DEPDC1B: variants seen among roughly 807,000 people sequenced by gnomAD.
DEPDC1B encodes the protein DEP domain-containing protein 1B.
A neutral mutation model predicts 66.5 loss-of-function variants in DEPDC1B; 51 were observed. The ratio of observed to expected loss-of-function variants is 0.77; its 90% confidence interval spans 0.61 to 0.97. The LOEUF (loss-of-function observed/expected upper bound fraction) is 0.97, where lower values mean the gene tolerates loss of function less well. DEPDC1B is among the 50% of genes least tolerant of loss of function. DEPDC1B has a pLI of 0.00. For synonymous variants in DEPDC1B, 226 were observed against 223.6 expected, an observed-to-expected ratio of 1.01 and a Z score of -0.10; for missense variants, 552 against 637.1, an observed-to-expected ratio of 0.87 and a Z score of 1.44.
chr5:60,699,900 G>T (rs940938092), intron 1 of DEPDC1B, 146 bp downstream of exon 1: 3 of 966,716 alleles, frequency 3.1e-6, no homozygotes, highest in South Asian at 1.6e-5. Context: ...TCCACTAAAA[G>T]GCAGCCCCAG....
intron 7 of DEPDC1B, among the ~76,000 whole-genome samples, chr5:60,606,510 C>T (rs535576850): frequency 6.7e-5 from 10 of 150,084 alleles, no homozygotes; most frequent in African/African-American, 1.7e-4. Context: ...CAGTGGCTCA[C>T]GCCTGTAATC....
At chr5:60,676,982 T>A (rs1754176612) in intron 2 of DEPDC1B, among the ~76,000 whole-genome samples, 1 of 152,196 alleles carries the variant, frequency 6.6e-6, no homozygotes, top group African/African-American at 2.4e-5. Flanking sequence ...AAGTTAATAA[T>A]GTTAAGTGTC....
At chr5:60,692,709 A>G (rs1298388606) in intron 1 of DEPDC1B, among the ~76,000 whole-genome samples, 1 of 152,114 alleles carries the variant, frequency 6.6e-6, no homozygotes, top group Non-Finnish European at 1.5e-5. Flanking sequence ...ATGCTCCCCA[A>G]AAGACACATT....
intron 7 of DEPDC1B, among the ~76,000 whole-genome samples, chr5:60,606,764 C>T (rs1338953116): frequency 6.6e-6 from 1 of 151,346 alleles, no homozygotes; most frequent in Non-Finnish European, 1.5e-5. Context: ...GCCTGGGCAA[C>T]ACAGCAAGAC....
chr5:60,663,966 C>T (rs989460992), intron 2 of DEPDC1B, among the ~76,000 whole-genome samples: 1 of 152,240 alleles, frequency 6.6e-6, no homozygotes, highest in Non-Finnish European at 1.5e-5. Flanking sequence ...TTAAGAGGTT[C>T]CTTGGCATAA....
At chr5:60,639,382 T>G (rs1015630929) in intron 6 of DEPDC1B, among the ~76,000 whole-genome samples, 9 of 152,322 alleles carry the variant, frequency 5.9e-5, no homozygotes, top group East Asian at 1.9e-4. Flanking sequence ...AGTCATAGAG[T>G]TGAGCAAAAT....
At chr5:60,628,715 G>A (rs1222333253) in intron 7 of DEPDC1B, 4 of 152,202 alleles carry the variant, frequency 2.6e-5, no homozygotes, top group Non-Finnish European at 5.9e-5. Context: ...TGCACGTGAT[G>A]ATGCCCTTTC....
chr5:60,688,314 G>A (rs1466702275), intron 1 of DEPDC1B, among the ~76,000 whole-genome samples: 2 of 152,090 alleles, frequency 1.3e-5, no homozygotes, highest in Non-Finnish European at 2.9e-5. Context: ...AGAAGTTTAA[G>A]TGTGCATGAC....
At chr5:60,606,609 CA>C (rs60544270) in intron 7 of DEPDC1B, among the ~76,000 whole-genome samples, 1,793 of 46,592 alleles carry the variant, frequency 0.038, 10 homozygotes, top group African/African-American at 0.083. Context: ...CCCATTTCTA[CA>C]AAAAAAAAAA....
At chr5:60,660,408 T>C (rs1411131006) in intron 2 of DEPDC1B, among the ~76,000 whole-genome samples, 2 of 152,034 alleles carry the variant, frequency 1.3e-5, no homozygotes, top group Non-Finnish European at 2.9e-5. Context: ...TTAAAACCTA[T>C]AATTAATAAC....
intron 8 of DEPDC1B, among the ~76,000 whole-genome samples, chr5:60,604,224 T>TTTTTTTATTTA (rs1752266076): frequency 7.6e-6 from 1 of 131,578 alleles, no homozygotes; most frequent in African/African-American, 2.7e-5. Flanking sequence ...TATTCTTTTT[T>TTTTTTTATTTA]TTTTTTTTTT....
intron 2 of DEPDC1B, among the ~76,000 whole-genome samples, chr5:60,658,810 C>T (rs970398807): frequency 6.6e-6 from 1 of 152,174 alleles, no homozygotes; most frequent in African/African-American, 2.4e-5. Context: ...TCTATTAAAT[C>T]TTGCAACTGC....
intron 2 of DEPDC1B, among the ~76,000 whole-genome samples, chr5:60,657,690 T>C (rs1461216874): frequency 3.9e-5 from 6 of 152,196 alleles, no homozygotes; most frequent in Non-Finnish European, 7.4e-5. Context: ...CCTTTGTAGG[T>C]TACCTGGTGC....
chr5:60,658,770 C>T lies in DEPDC1B; in HGVS notation c.315-11237G>A, dbSNP rs180923751. Among the ~76,000 whole-genome samples, 331 of 152,274 alleles carry T rather than the reference C, an allele frequency of 2.2e-3. 2 individuals are homozygous for T. The highest frequency in any genetic ancestry group is 7.7e-3 in the African/African-American group (319 of 41,562). On this transcript the variant is annotated intron_variant, in intron 2 of 10. Transcript: ENST00000265036. ...GGGAGCAGCAACCCCCTTAGGGTCC[C>T]CTCCCATTGTATGGGAGCTCTGTTT...
chr5:60,621,437 C>T (rs1398115145), intron 7 of DEPDC1B, among the ~76,000 whole-genome samples: 3 of 151,874 alleles, frequency 2.0e-5, no homozygotes, highest in African/African-American at 2.4e-5. Context: ...AGCAAACTAT[C>T]GCAGGGACAA....
At chr5:60,599,011 T>TAAA (rs58987696) in intron 10 of DEPDC1B, 64 bp downstream of exon 10, 325 of 1,154,744 alleles carry the variant, frequency 2.8e-4, no homozygotes, top group Middle Eastern at 6.2e-4. Flanking sequence ...CCTATTAAAA[T>TAAA]AAAAAAAAAA....
chr5:60,650,707 C>T (rs79988462), intron 2 of DEPDC1B, among the ~76,000 whole-genome samples: 1,887 of 152,278 alleles, frequency 0.012, 16 homozygotes, highest in Non-Finnish European at 0.02. Flanking sequence ...AACTGGTTAT[C>T]CATTTGGGAA....
Position 60,700,044 on chromosome 5 carries a change from A to T in DEPDC1B, c.48+2T>A. The T allele has an allele frequency of 6.4e-7, 1 of 1,556,262 alleles. No homozygotes were observed. Among genetic ancestry groups the T allele is most frequent in the Non-Finnish European group, 8.7e-7 (1 of 1,151,732 alleles). On this transcript the variant is annotated splice_donor_variant, in intron 1 of 10. Transcript: ENST00000265036. LOFTEE classifies it high-confidence loss of function. ...CGCCCAGGCCCCAGCACACTCACTC[A>T]CCAGCCTGGTAGCTCGGTACGGCCC... is the stretch of plus-strand genomic sequence containing the variant.
At chr5:60,645,044 G>A (rs944122201) in intron 4 of DEPDC1B, among the ~76,000 whole-genome samples, 169 bp from the exon 5 acceptor site, 1 of 152,170 alleles carries the variant, frequency 6.6e-6, no homozygotes, top group African/African-American at 2.4e-5. Context: ...AAATGTAAAA[G>A]ATATCCTTTT....
Sources: allele counts gnomAD v4.1 joint callset (sites outside exome capture counted in the v4.1 genomes callset), GRCh38; gene constraint gnomAD v4.1.1; transcripts MANE v1.5; gene names NCBI Gene and HGNC (gene_info 2026-07-23, HGNC 2026-07-21).